RBFOX2: variants seen among roughly 807,000 people sequenced by gnomAD.
RBFOX2 encodes the protein RNA binding protein fox-1 homolog 2.
In RBFOX2, 10 loss-of-function variants were observed where a neutral mutation model predicts 49.1. That is an observed-to-expected ratio of 0.20 (90% CI 0.13 to 0.35). The LOEUF (loss-of-function observed/expected upper bound fraction) is 0.35, where lower values mean the gene tolerates loss of function less well. RBFOX2 is among the 10% of genes least tolerant of loss of function. The pLI is 1.00. For missense variants in RBFOX2, 323 were observed against 486.9 expected, an observed-to-expected ratio of 0.66 and a Z score of 3.17; for synonymous variants, 183 against 187.4, an observed-to-expected ratio of 0.98 and a Z score of 0.19.
At chr22:35,869,252 G>A (rs986554127) in intron 1 of RBFOX2, among the ~76,000 whole-genome samples, 7 of 151,926 alleles carry the variant, frequency 4.6e-5, no homozygotes, top group Non-Finnish European at 1.0e-4. Flanking sequence ...CCTGCTTCCT[G>A]GGTTCAAGCG....
chr22:35,930,293 T>A (rs1378749479), intron 1 of RBFOX2, among the ~76,000 whole-genome samples: 1 of 151,768 alleles, frequency 6.6e-6, no homozygotes, highest in Non-Finnish European at 1.5e-5. Flanking sequence ...AGTGCTGGGA[T>A]TACAGGCGTG....
chr22:35,903,519 T>C (rs946673313), intron 1 of RBFOX2, among the ~76,000 whole-genome samples: 3 of 152,122 alleles, frequency 2.0e-5, no homozygotes, highest in African/African-American at 7.2e-5. Context: ...ACCATCAACA[T>C]GTTAATAACT....
In RBFOX2 at chr22:35,778,067, T is replaced by C. The variant is rs765286376; in HGVS notation, c.411A>G (p.Lys137=). ...TAAAGATTATTTCTACATCTAGGATTTTGCCAAACTGCTGCAGAGATAAAA... is the reference window on the plus strand; with the variant it reads ...TAAAGATTATTTCTACATCTAGGATCTTGCCAAACTGCTGCAGAGATAAAA... The change falls in exon 4 of 12, where the codon AAA becomes AAG. Residue 137 remains lysine (K), a synonymous_variant. Coordinates refer to ENST00000405409, the Ensembl canonical transcript of RBFOX2. 3 of 1,612,968 alleles carry C rather than the reference T, an allele frequency of 1.9e-6. No homozygotes were observed. In the African/African-American group the frequency reaches 4.0e-5, roughly 22 times the overall value.
At chr22:35,990,138 G>A (rs145868806) in intron 1 of RBFOX2, among the ~76,000 whole-genome samples, 9 of 152,214 alleles carry the variant, frequency 5.9e-5, no homozygotes, top group East Asian at 5.8e-4. Flanking sequence ...AGCAGAGATC[G>A]TGCCACTGCA....
At chr22:35,929,157 A>C (rs1007927846) in intron 1 of RBFOX2, among the ~76,000 whole-genome samples, 1 of 151,826 alleles carries the variant, frequency 6.6e-6, no homozygotes, top group Non-Finnish European at 1.5e-5. Context: ...TTATTTTTGT[A>C]TTTCTAGTAG....
intron 1 of RBFOX2, among the ~76,000 whole-genome samples, chr22:35,921,079 T>C (rs1409465665): frequency 1.3e-5 from 2 of 152,254 alleles, no homozygotes; most frequent in Non-Finnish European, 2.9e-5. Flanking sequence ...TCTTAGCATT[T>C]TCTTACCAGC....
At chr22:35,777,300 C>T (rs537708311) in intron 4 of RBFOX2, among the ~76,000 whole-genome samples, 4 of 152,222 alleles carry the variant, frequency 2.6e-5, no homozygotes, top group African/African-American at 9.6e-5. Flanking sequence ...GCGTGAGCCA[C>T]TGCGCCCAGC....
intron 1 of RBFOX2, among the ~76,000 whole-genome samples, chr22:35,933,684 T>C (rs2052680857): frequency 6.6e-6 from 1 of 152,068 alleles, no homozygotes; most frequent in African/African-American, 2.4e-5. Flanking sequence ...TTGATTAAAG[T>C]ATAAGCCTCT....
rs981213687 is a variant in RBFOX2 at position 36,028,608 on chromosome 22, G to A, written c.-183C>T. 7.4e-5 allele frequency among the ~76,000 whole-genome samples: 11 copies of A among 149,422 alleles called. No individual in the cohort carries two copies. In the East Asian group the frequency reaches 1.2e-3, roughly 16 times the overall value. ...GCCTCGCGGCCGCCGCTCCTTGCCT[G>A]ACCGCTTGCTCCCCGCCCGCCCGCC... is the stretch of plus-strand genomic sequence containing the variant. On this transcript the variant is annotated 5_prime_UTR_variant, in exon 1 of 14. Coordinates refer to the RBFOX2 transcript ENST00000438146.
chr22:35,786,808 G>C (rs1368958170), intron 2 of RBFOX2, among the ~76,000 whole-genome samples: 4 of 152,224 alleles, frequency 2.6e-5, no homozygotes, highest in Non-Finnish European at 5.9e-5. Flanking sequence ...CACACAGTAA[G>C]CAGCAGACTA....
rs902292023 is a variant in RBFOX2, at chr22:35,806,303, T to TA, written c.252+3476dup. On this transcript the variant is annotated intron_variant, in intron 2 of 11. Coordinates refer to ENST00000405409, the Ensembl canonical transcript of RBFOX2. Reference sequence around the variant, plus strand: ...AAAACTGCTCTAAAAAAGGAGATCTTAAAAAAAAAAACAACGTAAGATTGT... The same window carrying TA: ...AAAACTGCTCTAAAAAAGGAGATCTTAAAAAAAAAAAACAACGTAAGATTGT... Among the ~76,000 whole-genome samples, 686 of 145,690 alleles carry TA rather than the reference T, an allele frequency of 4.7e-3. 5 individuals are homozygous for TA. The highest frequency in any genetic ancestry group is 0.012 in the African/African-American group (470 of 39,530).
At chr22:35,840,233 G>A (rs766251564) in exon 1 of RBFOX2, 16 of 1,614,150 alleles carry the variant, frequency 9.9e-6, no homozygotes, top group Non-Finnish European at 1.3e-5. Context: ...CAAACGGATA[G>A]ATGATAAACC....
chr22:35,763,014 C>T lies in RBFOX2; in HGVS notation c.608-1546G>A, dbSNP rs1454251919. ...AAATCCTACTTGAATTGTAAGAACA[C>T]AAATATTCTGCAACATCAAATTACA... On this transcript the variant is annotated intron_variant, in intron 6 of 11. Coordinates refer to ENST00000405409, the Ensembl canonical transcript of RBFOX2. 2.0e-5 allele frequency among the ~76,000 whole-genome samples: 3 copies of T among 152,140 alleles called. No homozygotes were observed. The East Asian group carries it at 5.8e-4, about 29-fold the overall frequency.
intron 1 of RBFOX2, among the ~76,000 whole-genome samples, chr22:36,017,286 T>C (rs937582406): frequency 6.6e-5 from 10 of 152,112 alleles, no homozygotes; most frequent in South Asian, 2.1e-4. Flanking sequence ...TCCCAGCACT[T>C]TGCAAGCCGA....
intron 1 of RBFOX2, among the ~76,000 whole-genome samples, chr22:35,957,623 T>C (rs750523342): frequency 1.3e-5 from 2 of 152,330 alleles, no homozygotes; most frequent in South Asian, 2.1e-4. Flanking sequence ...ATTATTCTCT[T>C]TTGATTGATA....
rs531011866 is a variant in RBFOX2, at chr22:35,899,284, T to A, written c.-34+39563A>T. ...CTCAAAATAAAGAAAAGTTTAAATA[T>A]GTCACAAAAACTCTGCAAACTACCT... is the stretch of plus-strand genomic sequence containing the variant. On this transcript the variant is annotated intron_variant, in intron 1 of 13. Transcript: ENST00000359369. 1.2e-4 allele frequency among the ~76,000 whole-genome samples: 18 copies of A among 151,948 alleles called. 1 individual carries two copies. The South Asian group carries it at 3.5e-3, about 30-fold the overall frequency.
intron 1 of RBFOX2, among the ~76,000 whole-genome samples, chr22:35,932,771 C>T (rs1431347325): frequency 6.6e-6 from 1 of 152,194 alleles, no homozygotes; most frequent in Admixed American, 6.5e-5. Context: ...ATCCCAGCTA[C>T]TCAGGAGGCT....
rs547422068 is a variant in RBFOX2 at position 36,013,626 on chromosome 22, A to AACAC, written c.186+14610_186+14613dup. Among the ~76,000 whole-genome samples the AACAC allele has an allele frequency of 2.0e-4, 29 of 146,156 alleles. 1 individual carries two copies. Among genetic ancestry groups the AACAC allele is most frequent in the South Asian group, 1.5e-3 (7 of 4,608 alleles). On this transcript the variant is annotated intron_variant, in intron 1 of 13. Coordinates refer to the RBFOX2 transcript ENST00000438146. Reference sequence around the variant, plus strand: ...TAAAACCTTCACTAAGCATCACACAAACACACACACACACACACACACAGA... The same window carrying AACAC: ...TAAAACCTTCACTAAGCATCACACAAACACACACACACACACACACACACACAGA...
exon 9 of RBFOX2, chr22:35,760,018 G>A: frequency 6.2e-7 from 1 of 1,613,780 alleles, no homozygotes; most frequent in South Asian, 1.1e-5. Context: ...GGGAAGCCAG[G>A]AACTAAAGGG....
Sources: gnomAD v4.1 joint callset for allele counts (sites outside exome capture counted in the v4.1 genomes callset) on GRCh38, gnomAD v4.1.1 for gene constraint, MANE v1.5 for transcripts, NCBI Gene and HGNC (gene_info 2026-07-23, HGNC 2026-07-21) for gene names.